The following MYO18B variants were observed in gnomAD, a reference collection of about 807,000 sequenced individuals.
The protein encoded by MYO18B is myosin XVIIIB.
In MYO18B, 204 loss-of-function variants were observed where a neutral mutation model predicts 273.0. That is an observed-to-expected ratio of 0.75 (90% CI 0.67 to 0.84). The LOEUF is 0.84. Ranked by LOEUF, MYO18B falls within the 40% of genes least tolerant of loss-of-function variation. The pLI, the probability that MYO18B is intolerant of heterozygous loss-of-function variation, is 0.00. For missense variants in MYO18B, 3,212 were observed against 3,287.6 expected (o/e 0.98, Z 0.56); for synonymous variants, 1,330 against 1,305.7 (o/e 1.02, Z -0.40).
rs567324196 is a variant in MYO18B at position 25,819,418 on chromosome 22, T to G, written c.2522-4087T>G. Among the ~76,000 whole-genome samples the G allele has an allele frequency of 5.9e-5, 9 of 152,342 alleles. No homozygotes were observed. In the East Asian group the frequency reaches 1.7e-3, roughly 29 times the overall value. ...CAAGAGGAGGGGACAGGACCTCACC[T>G]ACCTAGAAAGACATCTCCTATTTAG... On this transcript the variant is annotated intron_variant, in intron 12 of 43. Coordinates refer to ENST00000335473, the MANE Select transcript of MYO18B (RefSeq NM_032608.7).
At chr22:26,035,250 ACAGT>A (rs1446836030), downstream of MYO18B, among the ~76,000 whole-genome samples, 1 of 152,206 alleles carries the variant, frequency 6.6e-6, no homozygotes, top group African/African-American at 2.4e-5. Flanking sequence ...CCAAACCAAA[ACAGT>A]CAGGGTGCCT....
chr22:25,830,134 G>A (rs776328453), intron 15 of MYO18B, among the ~76,000 whole-genome samples: 3 of 151,986 alleles, frequency 2.0e-5, no homozygotes, highest in Non-Finnish European at 4.4e-5. Flanking sequence ...CATTTTTTTG[G>A]TTGGTAATAA....
At position 25,823,542 on chromosome 22, in the gene MYO18B, C is replaced by G; in HGVS notation, c.2559C>G (p.Asn853Lys). The G allele has an allele frequency of 6.2e-7, 1 of 1,613,972 alleles. No homozygotes were observed. The highest frequency in any genetic ancestry group is 8.5e-7 in the Non-Finnish European group (1 of 1,179,878). ...AGTTCATGAGGTTTGAGTGGGCAAACTACGCAGCTGAGGCCCTGGGCTGCG... is the reference window on the plus strand; with the variant it reads ...AGTTCATGAGGTTTGAGTGGGCAAAGTACGCAGCTGAGGCCCTGGGCTGCG... Reference protein sequence around the residue: ...RKQFMRFEWANYAAEALGCEY... With the variant: ...RKQFMRFEWAKYAAEALGCEY... The change falls in exon 13 of 44, where the codon AAC (asparagine) becomes AAG (lysine). Residue 853 changes from asparagine (N) to lysine (K), a missense_variant. By Grantham distance (94) the Asn-to-Lys change is moderately conservative. Coordinates refer to ENST00000335473, the MANE Select transcript of MYO18B (RefSeq NM_032608.7).
intron 21 of MYO18B, among the ~76,000 whole-genome samples, chr22:25,855,420 A>C (rs2090541398): frequency 6.6e-6 from 1 of 151,734 alleles, no homozygotes; most frequent in Non-Finnish European, 1.5e-5. Context: ...AGTAGCTGGA[A>C]CTTCAGGCGC....
chr22:25,760,465 A>G (rs2086275630), intron 1 of MYO18B, among the ~76,000 whole-genome samples: 1 of 148,504 alleles, frequency 6.7e-6, no homozygotes, highest in South Asian at 2.1e-4. Flanking sequence ...GTTTCCCTTC[A>G]GGAAATATTG....
In MYO18B at chr22:25,889,422, A is replaced by G. The variant is rs557388391; in HGVS notation, c.4315-1334A>G. 1.4e-4 allele frequency among the ~76,000 whole-genome samples: 21 copies of G among 152,312 alleles called. No homozygotes were observed. In the South Asian group the frequency reaches 3.7e-3, roughly 27 times the overall value. ...TCTAACATCTTCACATGCAAAATTTACAGCAGGAGGACATGTGACCGCACC... is the reference window on the plus strand; with the variant it reads ...TCTAACATCTTCACATGCAAAATTTGCAGCAGGAGGACATGTGACCGCACC... On this transcript the variant is annotated intron_variant, in intron 25 of 43. Coordinates refer to ENST00000335473, the MANE Select transcript of MYO18B (RefSeq NM_032608.7).
chr22:25,894,860 G>T (rs1207934537), intron 27 of MYO18B: 1 of 213,800 alleles, frequency 4.7e-6, no homozygotes, highest in African/African-American at 2.3e-5. Flanking sequence ...TTGGAAAAGG[G>T]AAGATATGAA....
chr22:26,012,350 C>T (rs566519354), intron 42 of MYO18B, among the ~76,000 whole-genome samples: 45 of 152,256 alleles, frequency 3.0e-4, no homozygotes, highest in African/African-American at 5.1e-4. Context: ...TTACTGGTCT[C>T]GGCATTCTTA....
intron 24 of MYO18B, 124 bp from the exon 25 acceptor site, chr22:25,877,835 G>A: frequency 1.5e-6 from 1 of 679,940 alleles, no homozygotes; most frequent in East Asian, 2.9e-5. Flanking sequence ...TCACCATTCT[G>A]TGCAATAGAT....
Position 25,768,832 on chromosome 22 carries a change from G to T in MYO18B, c.916G>T (p.Gly306Trp), listed in dbSNP as rs2086607954. Residue 306 changes from glycine to tryptophan, a missense_variant, in exon 4 of 44, where the codon GGG (glycine) becomes TGG (tryptophan). Coordinates refer to ENST00000335473, the MANE Select transcript of MYO18B (RefSeq NM_032608.7). ...GNVSKDVGSE[G>W]KHVRPQIPGR... ...TGTCTCTAAGGACGTAGGGAGTGAA[G>T]GGAAGCACGTAAGGCCCCAAATCCC... is the stretch of plus-strand genomic sequence containing the variant. 2 of 1,611,866 alleles carry T rather than the reference G, an allele frequency of 1.2e-6. No individual in the cohort carries two copies. Among genetic ancestry groups the T allele is most frequent in the African/African-American group, 2.7e-5 (2 of 74,906 alleles).
chr22:25,768,365 G>T lies in MYO18B; in HGVS notation c.449G>T (p.Arg150Met), dbSNP rs761124245. Reference sequence around the variant, plus strand: ...GTCCCCTTCAAGAGGGGCGTGAGGAGGGGTGATGTGTTGTTGATGGTGGCC... The same window carrying T: ...GTCCCCTTCAAGAGGGGCGTGAGGATGGGTGATGTGTTGTTGATGGTGGCC... ...KTVPFKRGVR[R>M]GDVLLMVAKL... is the part of the protein sequence containing the mutation. The change falls in exon 4 of 44, where the codon AGG (arginine) becomes ATG (methionine). Residue 150 changes from arginine to methionine, a missense_variant. Coordinates refer to ENST00000335473, the MANE Select transcript of MYO18B (RefSeq NM_032608.7). The T allele has an allele frequency of 3.7e-6, 6 of 1,613,746 alleles. No homozygotes were observed. Among genetic ancestry groups the T allele is most frequent in the Non-Finnish European group, 5.1e-6 (6 of 1,179,836 alleles).
chr22:25,882,523 A>G (rs777877342), intron 25 of MYO18B, among the ~76,000 whole-genome samples: 2 of 152,190 alleles, frequency 1.3e-5, no homozygotes, highest in Non-Finnish European at 2.9e-5. Flanking sequence ...GATGGGTAGG[A>G]GCACTTTTGG....
At position 25,760,992 on chromosome 22, in the gene MYO18B, C is replaced by G; in HGVS notation, c.-101C>G. 2 of 1,282,784 alleles carry G rather than the reference C, an allele frequency of 1.6e-6. No individual in the cohort carries two copies. Among genetic ancestry groups the G allele is most frequent in the South Asian group, 2.4e-5 (2 of 83,752 alleles). 79.5% of individuals were successfully genotyped at this position (1,282,784 alleles called of 1,614,324 possible). On this transcript the variant is annotated 5_prime_UTR_variant, in exon 2 of 44. Coordinates refer to ENST00000335473, the MANE Select transcript of MYO18B (RefSeq NM_032608.7). ...GTGTCCCTGTGTGTCAGTTCTGTGTCCATCTCATGTGCTGCGTGTGTCTGT... is the reference window on the plus strand; with the variant it reads ...GTGTCCCTGTGTGTCAGTTCTGTGTGCATCTCATGTGCTGCGTGTGTCTGT...
In MYO18B at chr22:25,777,584, T is replaced by C. The variant is rs772423551; in HGVS notation, c.1871T>C (p.Val624Ala). The C allele has an allele frequency of 6.3e-7, 1 of 1,584,560 alleles. No homozygotes were observed. The highest frequency in any genetic ancestry group is 2.3e-5 in the East Asian group (1 of 44,428). ...RGPSVPSAGK[V>A]PKGRRDGLPA... is the part of the protein sequence containing the mutation. ...CTGATACCTGTGATCTTCCTGCAGGTGCCCAAGGGCCGCCGGGATGGCCTG... is the reference window on the plus strand; with the variant it reads ...CTGATACCTGTGATCTTCCTGCAGGCGCCCAAGGGCCGCCGGGATGGCCTG... The change falls in exon 8 of 44, where the codon GTG (valine) becomes GCG (alanine). Residue 624 changes from valine to alanine, a missense_variant and splice_region_variant. Coordinates refer to ENST00000335473, the MANE Select transcript of MYO18B (RefSeq NM_032608.7).
chr22:25,947,892 G>GAGA, intron 36 of MYO18B, 64 bp downstream of exon 36: 2 of 1,242,280 alleles, frequency 1.6e-6, no homozygotes. Context: ...GGGGAATGTT[G>GAGA]AGAAGGTGAT....
Position 25,817,244 on chromosome 22 carries a change from CTCTT to C in MYO18B, c.2522-6252_2522-6249del, listed in dbSNP as rs371059978. On this transcript the variant is annotated intron_variant, in intron 12 of 43. Coordinates refer to ENST00000335473, the MANE Select transcript of MYO18B (RefSeq NM_032608.7). ...TCTTTCGTTCTTTCTCTCTTTCTCT[CTCTT>C]TCTTTCTTCTTTTTCTTTTTCTTCT... 5.0e-4 allele frequency among the ~76,000 whole-genome samples: 76 copies of C among 151,816 alleles called. No homozygotes were observed. In the South Asian group the frequency reaches 8.7e-3, roughly 17 times the overall value.
At chr22:25,906,936 G>A (rs1048960071) in intron 31 of MYO18B, among the ~76,000 whole-genome samples, 44 of 152,216 alleles carry the variant, frequency 2.9e-4, no homozygotes, top group African/African-American at 1.0e-3. Flanking sequence ...GGAATTATGG[G>A]AATTAAAATT....
At chr22:25,928,556 A>G (rs914044663) in intron 34 of MYO18B, among the ~76,000 whole-genome samples, 1 of 152,078 alleles carries the variant, frequency 6.6e-6, no homozygotes, top group African/African-American at 2.4e-5. Context: ...TTGCCCCTGC[A>G]TCTAGAACCC....
intron 12 of MYO18B, among the ~76,000 whole-genome samples, chr22:25,802,229 A>G (rs1460536765): frequency 6.6e-6 from 1 of 152,170 alleles, no homozygotes; most frequent in African/African-American, 2.4e-5. Context: ...CCACTGCTCT[A>G]TTATAAAGGA....
Sources: gnomAD v4.1 joint callset for allele counts (sites outside exome capture counted in the v4.1 genomes callset) on GRCh38, gnomAD v4.1.1 for gene constraint, MANE v1.5 for transcripts, NCBI Gene and HGNC (gene_info 2026-07-23, HGNC 2026-07-21) for gene names.